Variants in GLIS3 observed in about 807,000 individuals in gnomAD.
GLIS3 encodes GLIS family zinc finger 3, also known as zinc finger protein GLIS3.
A neutral mutation model predicts 78.6 loss-of-function variants in GLIS3; 53 were observed. The observed-to-expected ratio is 0.67, with a 90% CI of 0.54 to 0.85. GLIS3 has a LOEUF of 0.85. GLIS3 is among the 40% of genes least tolerant of loss of function. The pLI is 0.00. For missense variants in GLIS3, 1,703 were observed against 1,231.1 expected (o/e 1.38, Z -5.74); for synonymous variants, 684 against 509.9 (o/e 1.34, Z -4.60).
chr9:3,937,504 A>G (rs1202074745), intron 4 of GLIS3, among the ~76,000 whole-genome samples: 1 of 152,210 alleles, frequency 6.6e-6, no homozygotes, highest in Non-Finnish European at 1.5e-5. Context: ...GTGTGTCTTA[A>G]AGATTTATTA....
intron 6 of GLIS3, among the ~76,000 whole-genome samples, chr9:3,924,047 A>C (rs1307986831): frequency 6.6e-6 from 1 of 152,208 alleles, no homozygotes; most frequent in Non-Finnish European, 1.5e-5. Context: ...ATGAGCCCCA[A>C]GTCAATAACC....
chr9:4,020,844 G>A (rs10974280), intron 4 of GLIS3, among the ~76,000 whole-genome samples: 8 of 152,302 alleles, frequency 5.3e-5, no homozygotes, highest in East Asian at 1.9e-4. Context: ...CCACCCTGAC[G>A]TAAGCAAATG....
At chr9:4,016,992 T>C (rs1366099073) in intron 4 of GLIS3, among the ~76,000 whole-genome samples, 2 of 152,214 alleles carry the variant, frequency 1.3e-5, no homozygotes, top group East Asian at 1.9e-4. Flanking sequence ...ATGCTTTCAA[T>C]GTCCAGGAAC....
At chr9:4,383,284 G>C in the GLIS3 span, among the ~76,000 whole-genome samples, 1 of 152,162 alleles carries the variant, frequency 6.6e-6, no homozygotes, top group Admixed American at 6.5e-5. Flanking sequence ...CAACCAGATT[G>C]CATTTTTTAT....
the GLIS3 span, among the ~76,000 whole-genome samples, chr9:4,439,559 A>T: frequency 6.6e-6 from 1 of 152,070 alleles, no homozygotes; most frequent in Non-Finnish European, 1.5e-5. Context: ...TTTGACCAAC[A>T]TCTCCTCATC....
intron 4 of GLIS3, among the ~76,000 whole-genome samples, chr9:4,005,503 C>G (rs1187259381): frequency 6.6e-6 from 1 of 152,164 alleles, no homozygotes; most frequent in African/African-American, 2.4e-5. Context: ...AATTCTGATT[C>G]TACCACTTTC....
chr9:4,211,453 G>C (rs1820364860), intron 2 of GLIS3, among the ~76,000 whole-genome samples: 1 of 152,170 alleles, frequency 6.6e-6, no homozygotes, highest in African/African-American at 2.4e-5. Flanking sequence ...ACCTTTTTCT[G>C]TAAGGAAAGA....
At chr9:3,988,438 G>A (rs1337071381) in intron 4 of GLIS3, among the ~76,000 whole-genome samples, 4 of 152,020 alleles carry the variant, frequency 2.6e-5, no homozygotes, top group African/African-American at 9.7e-5. Flanking sequence ...AAATGGGAAA[G>A]GTAAAGAAAC....
intron 2 of GLIS3, among the ~76,000 whole-genome samples, chr9:4,257,645 C>A (rs1311874501): frequency 6.6e-6 from 1 of 151,828 alleles, no homozygotes; most frequent in Non-Finnish European, 1.5e-5. Context: ...ACAATCTCGG[C>A]TCACTGCAAG....
the GLIS3 span, among the ~76,000 whole-genome samples, chr9:4,441,685 C>T: frequency 6.6e-6 from 1 of 152,166 alleles, no homozygotes; most frequent in African/African-American, 2.4e-5. Flanking sequence ...CGGCTCCCTA[C>T]AACCTCTGCC....
chr9:3,874,723 T>TG (rs34764526), intron 8 of GLIS3, among the ~76,000 whole-genome samples: 1 of 152,208 alleles, frequency 6.6e-6, no homozygotes, highest in African/African-American at 2.4e-5. Flanking sequence ...CTTAGTGGGC[T>TG]GGGGGAAAAC....
intron 7 of GLIS3, among the ~76,000 whole-genome samples, chr9:3,882,713 G>T (rs919055102): frequency 6.6e-6 from 1 of 152,186 alleles, no homozygotes. Context: ...GACAGAAATG[G>T]GCAGTGGTCC....
intron 4 of GLIS3, among the ~76,000 whole-genome samples, chr9:3,963,108 G>C (rs985846316): frequency 5.9e-5 from 9 of 152,146 alleles, no homozygotes; most frequent in South Asian, 2.1e-4. Flanking sequence ...AAATAAGGGA[G>C]AGGTTGCCAA....
the GLIS3 span, among the ~76,000 whole-genome samples, chr9:4,419,808 A>T: frequency 0.016 from 2,486 of 152,082 alleles, 61 homozygotes; most frequent in African/African-American, 0.057. Flanking sequence ...AAACAAAAAC[A>T]AAAAACAACC....
At chr9:4,181,687 A>C (rs938777427) in intron 2 of GLIS3, among the ~76,000 whole-genome samples, 3 of 152,236 alleles carry the variant, frequency 2.0e-5, no homozygotes, top group African/African-American at 7.2e-5. Flanking sequence ...GCCGTACTTC[A>C]CTGTGAGTCT....
intron 4 of GLIS3, among the ~76,000 whole-genome samples, chr9:4,057,821 T>C (rs748645086): frequency 2.0e-5 from 3 of 152,170 alleles, no homozygotes; most frequent in Non-Finnish European, 4.4e-5. Flanking sequence ...GGATCGTCAC[T>C]GAGAAAACTT....
At chr9:3,871,243 TCATGGGCTGGCATTGAG>T (rs981416871) in intron 8 of GLIS3, among the ~76,000 whole-genome samples, 74 of 152,256 alleles carry the variant, frequency 4.9e-4, no homozygotes, top group Admixed American at 3.9e-3. Context: ...CTGGTTGCTT[TCATGGGCTGGCATTGAG>T]CATGGGCTGG....
chr9:4,480,932 G>C, the GLIS3 span, among the ~76,000 whole-genome samples: 1 of 151,750 alleles, frequency 6.6e-6, no homozygotes, highest in African/African-American at 2.4e-5. Context: ...CAGCTTACTG[G>C]AGGTCCGGAC....
chr9:3,866,837 T>C (rs1820620968), intron 8 of GLIS3, among the ~76,000 whole-genome samples: 1 of 152,176 alleles, frequency 6.6e-6, no homozygotes, highest in African/African-American at 2.4e-5. Context: ...GTAGCTCTTG[T>C]GGTGTAGAGC....
Sources: gnomAD v4.1 joint callset for allele counts (sites outside exome capture counted in the v4.1 genomes callset) on GRCh38, gnomAD v4.1.1 for gene constraint, MANE v1.5 for transcripts, NCBI Gene and HGNC (gene_info 2026-07-23, HGNC 2026-07-21) for gene names.